The following SH3RF3 variants were observed in gnomAD, a reference collection of about 807,000 sequenced individuals.
SH3RF3 encodes SH3 domain containing ring finger 3, also known as E3 ubiquitin-protein ligase SH3RF3.
Under a neutral mutation model 66.3 loss-of-function variants are expected in SH3RF3, and 29 were observed. The ratio of observed to expected loss-of-function variants is 0.44; its 90% CI spans 0.33 to 0.60. SH3RF3 has a LOEUF of 0.60. SH3RF3 is among the 20% of genes least tolerant of loss of function. The pLI, the probability that SH3RF3 is intolerant of heterozygous loss-of-function variation, is 0.04. For synonymous variants in SH3RF3, 583 were observed against 532.0 expected, an observed-to-expected ratio of 1.10 and a Z score of -1.32; for missense variants, 1,194 against 1,190.9, an observed-to-expected ratio of 1.00 and a Z score of -0.04.
chr2:109,257,788 T>G (rs1387803874), intron 1 of SH3RF3, among the ~76,000 whole-genome samples: 1 of 152,112 alleles, frequency 6.6e-6, no homozygotes, highest in East Asian at 1.9e-4. Context: ...AAATGTATGT[T>G]TTACGGACAG....
chr2:109,369,489 C>T (rs145085996), intron 2 of SH3RF3, among the ~76,000 whole-genome samples: 75 of 152,290 alleles, frequency 4.9e-4, no homozygotes, highest in African/African-American at 1.5e-3. Flanking sequence ...ATGCTCTTTA[C>T]GTTTTTCTGG....
chr2:109,171,544 G>A (rs796625380), intron 1 of SH3RF3, among the ~76,000 whole-genome samples: 42 of 152,362 alleles, frequency 2.8e-4, no homozygotes, highest in African/African-American at 9.4e-4. Flanking sequence ...CCCGCGGCGG[G>A]CCAGGGAAGT....
At chr2:109,462,949 T>A (rs146585504) in intron 8 of SH3RF3, among the ~76,000 whole-genome samples, 3 of 152,336 alleles carry the variant, frequency 2.0e-5, no homozygotes, top group African/African-American at 7.2e-5. Context: ...TCTGATTATT[T>A]TCTTTCCCCT....
intron 1 of SH3RF3, among the ~76,000 whole-genome samples, chr2:109,331,352 CCT>C (rs1249349032): frequency 1.3e-5 from 2 of 151,928 alleles, no homozygotes; most frequent in Non-Finnish European, 2.9e-5. Context: ...TGTTTTCCTG[CCT>C]CCCTCCTCTC....
chr2:109,216,080 C>T (rs746676293), intron 1 of SH3RF3, among the ~76,000 whole-genome samples: 3 of 152,148 alleles, frequency 2.0e-5, no homozygotes, highest in African/African-American at 4.8e-5. Flanking sequence ...GTCTGAAGAA[C>T]GGAGCCTGTC....
At chr2:109,263,812 C>G (rs1441200378) in intron 1 of SH3RF3, among the ~76,000 whole-genome samples, 1 of 152,098 alleles carries the variant, frequency 6.6e-6, no homozygotes, top group Non-Finnish European at 1.5e-5. Context: ...TAAAAAAATA[C>G]AAAAAATTAG....
chr2:109,346,868 T>C (rs1682721146), intron 1 of SH3RF3, among the ~76,000 whole-genome samples: 1 of 152,136 alleles, frequency 6.6e-6, no homozygotes, highest in East Asian at 1.9e-4. Flanking sequence ...CCTTGAACAA[T>C]TGTACTTCTG....
chr2:109,129,706 G>C lies in SH3RF3; in HGVS notation c.166G>C (p.Glu56Gln). Residue 56 changes from glutamate to glutamine, a missense_variant, in exon 1 of 10, where the codon GAG becomes CAG. By Grantham distance (29) the Glu-to-Gln change is conservative (BLOSUM62 2). Transcript: ENST00000309415. The part of the protein sequence containing the change: ...MDESSLLDLL[E>Q]CSVCLERLDT... ...CGAGTCGTCGCTGCTGGACCTGCTG[G>C]AGTGCTCCGTGTGTCTGGAGCGCCT... 2 of 1,536,088 alleles carry C rather than the reference G, an allele frequency of 1.3e-6. No individual in the cohort carries two copies. The highest frequency in any genetic ancestry group is 1.2e-5 in the South Asian group (1 of 83,034).
At chr2:109,378,025 T>C (rs1344084132) in intron 3 of SH3RF3, among the ~76,000 whole-genome samples, 1 of 152,230 alleles carries the variant, frequency 6.6e-6, no homozygotes, top group Non-Finnish European at 1.5e-5. Flanking sequence ...GGATTTGCCA[T>C]TTTACCTTGG....
intron 1 of SH3RF3, among the ~76,000 whole-genome samples, chr2:109,287,805 C>T (rs759811761): frequency 6.6e-6 from 1 of 152,200 alleles, no homozygotes; most frequent in Non-Finnish European, 1.5e-5. Flanking sequence ...CGCACTGTTG[C>T]CAGTTTTAGG....
intron 1 of SH3RF3, among the ~76,000 whole-genome samples, chr2:109,307,461 T>G (rs528585906): frequency 9.8e-4 from 148 of 150,538 alleles, no homozygotes; most frequent in South Asian, 1.7e-3. Flanking sequence ...TTAGGGTACA[T>G]GTGCACATTG....
chr2:109,202,274 C>T (rs1558955620), intron 1 of SH3RF3, among the ~76,000 whole-genome samples: 1 of 152,140 alleles, frequency 6.6e-6, no homozygotes, highest in Non-Finnish European at 1.5e-5. Context: ...CCTCCCAGGT[C>T]CATCTCGGCA....
rs1683027338 is a variant in SH3RF3, at chr2:109,360,193, ACTGTGCCGCTTAGTTACT to A, written c.850-11389_850-11372del. ...CTGATACAGGTATTCTGGAGAGGCT[ACTGTGCCGCTTAGTTACT>A]CTGAACATGTAATTTTTTTCACTGT... On this transcript the variant is annotated intron_variant, in intron 2 of 9. Coordinates refer to ENST00000309415, the MANE Select transcript of SH3RF3 (RefSeq NM_001099289.3). 2.0e-5 allele frequency among the ~76,000 whole-genome samples: 3 copies of A among 152,222 alleles called. No individual in the cohort carries two copies. The South Asian group carries it at 6.2e-4, about 31-fold the overall frequency.
chr2:109,131,491 T>C (rs570466006), intron 1 of SH3RF3, among the ~76,000 whole-genome samples: 1 of 152,344 alleles, frequency 6.6e-6, no homozygotes, highest in South Asian at 2.1e-4. Context: ...TCTGTTCTGA[T>C]AAATTATGTG....
At chr2:109,335,430 A>G (rs1682389728) in intron 1 of SH3RF3, among the ~76,000 whole-genome samples, 1 of 152,012 alleles carries the variant, frequency 6.6e-6, no homozygotes, top group Non-Finnish European at 1.5e-5. Flanking sequence ...TACCTCTTCC[A>G]CACGCCACCT....
chr2:109,304,979 T>G (rs998570201), intron 1 of SH3RF3, among the ~76,000 whole-genome samples: 1 of 152,176 alleles, frequency 6.6e-6, no homozygotes, highest in Non-Finnish European at 1.5e-5. Flanking sequence ...TAGGAATGTT[T>G]AATGTGTGTT....
intron 9 of SH3RF3, among the ~76,000 whole-genome samples, chr2:109,492,210 T>TA (rs1181771457): frequency 6.6e-6 from 1 of 152,174 alleles, no homozygotes; most frequent in Admixed American, 6.5e-5. Context: ...GGTCATGAAA[T>TA]AGTCTTCTGA....
At chr2:109,291,694 C>T (rs964783572) in intron 1 of SH3RF3, among the ~76,000 whole-genome samples, 1 of 152,114 alleles carries the variant, frequency 6.6e-6, no homozygotes, top group African/African-American at 2.4e-5. Context: ...TTAAGTCGCT[C>T]CTCTTTGCTC....
At chr2:109,376,153 G>C (rs1216056741) in intron 3 of SH3RF3, among the ~76,000 whole-genome samples, 1 of 152,228 alleles carries the variant, frequency 6.6e-6, no homozygotes, top group Non-Finnish European at 1.5e-5. Context: ...GTCCATTGCT[G>C]TGTTGATTGA....
Sources: gnomAD v4.1 joint callset for allele counts (sites outside exome capture counted in the v4.1 genomes callset) on GRCh38, gnomAD v4.1.1 for gene constraint, MANE v1.5 for transcripts, NCBI Gene and HGNC (gene_info 2026-07-23, HGNC 2026-07-21) for gene names.